The following APBB2 variants were observed in gnomAD, a reference collection of about 807,000 sequenced individuals.
APBB2 encodes amyloid beta precursor protein binding family B member 2, also known as Fe65-like 1.
A neutral mutation model predicts 82.5 loss-of-function variants in APBB2; 38 were observed. The observed-to-expected ratio is 0.46, with a 90% CI of 0.36 to 0.60. APBB2 has a LOEUF of 0.60. APBB2 is among the 20% of genes least tolerant of loss of function. APBB2 has a pLI of 0.00. For missense variants in APBB2, 772 were observed against 972.3 expected, an observed-to-expected ratio of 0.79 and a Z score of 2.74; for synonymous variants, 341 against 368.2, an observed-to-expected ratio of 0.93 and a Z score of 0.85.
intron 6 of APBB2, among the ~76,000 whole-genome samples, chr4:41,008,912 T>C (rs62412101): frequency 0.11 from 17,116 of 152,250 alleles, 1,218 homozygotes; most frequent in Middle Eastern, 0.19. Context: ...CTTGGTTTTC[T>C]CTGTGTATAA....
At chr4:41,062,594 A>C (rs780978236) in intron 4 of APBB2, among the ~76,000 whole-genome samples, 2 of 152,190 alleles carry the variant, frequency 1.3e-5, no homozygotes, top group African/African-American at 2.4e-5. Context: ...CCGGGAAAAG[A>C]AATCAGAGAT....
chr4:41,115,848 C>A (rs534698020), intron 2 of APBB2, among the ~76,000 whole-genome samples: 19 of 152,296 alleles, frequency 1.2e-4, no homozygotes, highest in South Asian at 1.0e-3. Context: ...GAAATAGGAA[C>A]ACTATTACAC....
chr4:40,818,188 T>A (rs182191228), intron 17 of APBB2, among the ~76,000 whole-genome samples: 2 of 152,300 alleles, frequency 1.3e-5, no homozygotes, highest in Admixed American at 1.3e-4. Flanking sequence ...AGGAGAATCA[T>A]GCGGATTTGA....
At chr4:40,883,124 C>A (rs1769136048) in intron 12 of APBB2, among the ~76,000 whole-genome samples, 1 of 152,226 alleles carries the variant, frequency 6.6e-6, no homozygotes, top group South Asian at 2.1e-4. Context: ...CCCACTGCAG[C>A]TGTGGCATGA....
In APBB2 at chr4:41,081,082, T is replaced by C. The variant is rs1737446434; in HGVS notation, c.-148-15409A>G. ...CATTCTTCTACGTAGTCAGTTCTCT[T>C]GACGTATCTAATGGCCACTAAAACA... On this transcript the variant is annotated intron_variant, in intron 3 of 17. Coordinates refer to ENST00000508593, the MANE Select transcript of APBB2 (RefSeq NM_004307.2). Among the ~76,000 whole-genome samples the C allele has an allele frequency of 2.0e-5, 3 of 152,254 alleles. No homozygotes were observed. The South Asian group carries it at 6.2e-4, about 31-fold the overall frequency.
At chr4:41,028,705 T>A (rs1186150512) in intron 5 of APBB2, among the ~76,000 whole-genome samples, 4 of 152,006 alleles carry the variant, frequency 2.6e-5, no homozygotes, top group Admixed American at 1.3e-4. Flanking sequence ...AAAAGAGCCC[T>A]CGTTAATACA....
At chr4:41,137,489 C>T (rs1441095348) in intron 2 of APBB2, among the ~76,000 whole-genome samples, 2 of 152,088 alleles carry the variant, frequency 1.3e-5, no homozygotes, top group Non-Finnish European at 2.9e-5. Context: ...AGAGAAAACA[C>T]CAAATACTAG....
In APBB2 at chr4:41,013,680, T is replaced by C. The variant is rs1335596578; in HGVS notation, c.738A>G (p.Ala246=). The C allele has an allele frequency of 1.3e-5, 21 of 1,614,102 alleles. No individual in the cohort carries two copies. Among genetic ancestry groups the C allele is most frequent in the Admixed American group, 1.7e-5 (1 of 60,008 alleles). The change falls in exon 6 of 18, where the codon GCA becomes GCG. Residue 246 remains alanine (A), a synonymous_variant. Transcript: ENST00000508593. ...HPKTGAKTDC[A]LHRIQNLAPS... ...GTGCCAGGTTCTGGATCCGGTGCAG[T>C]GCACAGTCGGTTTTGGCCCCTGTTT...
intron 6 of APBB2, among the ~76,000 whole-genome samples, chr4:41,008,225 A>G (rs555046679): frequency 6.6e-6 from 1 of 152,352 alleles, no homozygotes; most frequent in African/African-American, 2.4e-5. Flanking sequence ...GTGAGAAAGT[A>G]CCACCAACAG....
intron 1 of APBB2, among the ~76,000 whole-genome samples, chr4:41,205,799 A>G (rs745992870): frequency 8.5e-5 from 13 of 152,192 alleles, no homozygotes; most frequent in Non-Finnish European, 1.9e-4. Flanking sequence ...CTTCACAACA[A>G]TCATATTATA....
At chr4:41,200,048 A>G (rs9992505) in intron 1 of APBB2, among the ~76,000 whole-genome samples, 29,690 of 152,136 alleles carry the variant, frequency 0.2, 3,881 homozygotes, top group African/African-American at 0.37. Context: ...TTGTTAACCA[A>G]CCCATTTCAA....
At chr4:41,019,491 A>G (rs1047516012) in intron 5 of APBB2, among the ~76,000 whole-genome samples, 1 of 152,200 alleles carries the variant, frequency 6.6e-6, no homozygotes, top group Non-Finnish European at 1.5e-5. Flanking sequence ...CTCTATGAAG[A>G]GAAAGTTTTC....
At chr4:41,203,221 C>T (rs899469975) in intron 1 of APBB2, among the ~76,000 whole-genome samples, 1 of 151,788 alleles carries the variant, frequency 6.6e-6, no homozygotes, top group African/African-American at 2.4e-5. Flanking sequence ...CACACACACA[C>T]GTGTACACGT....
intron 3 of APBB2, among the ~76,000 whole-genome samples, chr4:41,066,604 G>A (rs891161204): frequency 1.4e-4 from 22 of 152,178 alleles, no homozygotes; most frequent in Non-Finnish European, 4.4e-5. Flanking sequence ...CAAGAAAAGG[G>A]GATGCCTAGC....
chr4:41,161,170 C>CA (rs33917178), intron 1 of APBB2, among the ~76,000 whole-genome samples: 4,190 of 85,456 alleles, frequency 0.049, 127 homozygotes, highest in East Asian at 0.07. Context: ...TCTTCCCTGG[C>CA]AAAAAAAAAA....
chr4:41,062,353 T>G (rs1730183211), intron 4 of APBB2, among the ~76,000 whole-genome samples: 1 of 151,734 alleles, frequency 6.6e-6, no homozygotes, highest in Non-Finnish European at 1.5e-5. Flanking sequence ...TTGTATTTTT[T>G]TTTTTAGTAG....
At chr4:41,030,601 T>C (rs1716374132) in intron 5 of APBB2, among the ~76,000 whole-genome samples, 1 of 152,174 alleles carries the variant, frequency 6.6e-6, no homozygotes, top group East Asian at 1.9e-4. Flanking sequence ...TTTCCATTCT[T>C]TAATAAAGCC....
At chr4:40,982,536 AG>A (rs1225409964) in intron 6 of APBB2, among the ~76,000 whole-genome samples, 2 of 151,862 alleles carry the variant, frequency 1.3e-5, no homozygotes, top group Non-Finnish European at 2.9e-5. Context: ...TAGGAGGTCA[AG>A]GCAGGTGGAT....
chr4:41,039,454 T>C (rs906936429), intron 4 of APBB2, among the ~76,000 whole-genome samples: 5 of 152,248 alleles, frequency 3.3e-5, no homozygotes, highest in Admixed American at 2.6e-4. Flanking sequence ...ACTGTCTTGT[T>C]GGACTGTAAA....
Sources: allele counts gnomAD v4.1 joint callset (sites outside exome capture counted in the v4.1 genomes callset), GRCh38; gene constraint gnomAD v4.1.1; transcripts MANE v1.5; gene names NCBI Gene and HGNC (gene_info 2026-07-23, HGNC 2026-07-21).